EXOC6B: variants seen among roughly 807,000 people sequenced by gnomAD.
The protein encoded by EXOC6B is SEC15 homolog B.
In EXOC6B, 54 loss-of-function variants were observed where a neutral mutation model predicts 113.5. That is an observed-to-expected ratio of 0.48 (90% CI 0.38 to 0.60). EXOC6B has a LOEUF of 0.60. Ranked by LOEUF, EXOC6B falls within the 20% of genes least tolerant of loss-of-function variation. EXOC6B has a pLI of 0.00. For missense variants in EXOC6B, 797 were observed against 977.5 expected (o/e 0.82, Z 2.46); for synonymous variants, 357 against 339.0 (o/e 1.05, Z -0.58).
chr2:72,360,171 T>G (rs1690220531), intron 19 of EXOC6B, among the ~76,000 whole-genome samples: 1 of 151,694 alleles, frequency 6.6e-6, no homozygotes, highest in Non-Finnish European at 1.5e-5. Context: ...CACGGCAACC[T>G]CCACCTCCCA....
At chr2:72,629,383 A>G (rs1390356315) in intron 6 of EXOC6B, among the ~76,000 whole-genome samples, 1 of 152,160 alleles carries the variant, frequency 6.6e-6, no homozygotes, top group Non-Finnish European at 1.5e-5. Context: ...ACAATTAGTT[A>G]TTTAAGATAT....
intron 20 of EXOC6B, among the ~76,000 whole-genome samples, chr2:72,204,136 AAGGCC>A (rs1374918937): frequency 6.6e-6 from 1 of 152,098 alleles, no homozygotes; most frequent in Non-Finnish European, 1.5e-5. Flanking sequence ...TGAGCAGCTT[AAGGCC>A]TTGTCCATTT....
At chr2:72,323,211 C>T (rs974569349) in intron 20 of EXOC6B, among the ~76,000 whole-genome samples, 6 of 152,252 alleles carry the variant, frequency 3.9e-5, no homozygotes, top group Admixed American at 3.9e-4. Flanking sequence ...GACATTTATG[C>T]AGCCAACAAA....
chr2:72,789,811 T>G (rs1684577544), intron 1 of EXOC6B, among the ~76,000 whole-genome samples: 1 of 152,164 alleles, frequency 6.6e-6, no homozygotes, highest in Admixed American at 6.5e-5. Context: ...GTTCTTTCGA[T>G]TTTTTTGCAA....
At chr2:72,539,269 C>A (rs554381209) in intron 8 of EXOC6B, among the ~76,000 whole-genome samples, 2 of 152,282 alleles carry the variant, frequency 1.3e-5, no homozygotes, top group African/African-American at 4.8e-5. Flanking sequence ...CCCACGATGA[C>A]AAGACCTTTG....
At chr2:72,480,855 A>C (rs1376910337) in intron 16 of EXOC6B, 105 bp from the exon 17 acceptor site, 2 of 1,158,952 alleles carry the variant, frequency 1.7e-6, no homozygotes, top group Non-Finnish European at 2.4e-6. Context: ...CATAATGGAA[A>C]AGGCCATCCA....
At chr2:72,582,826 G>A (rs541635639) in intron 6 of EXOC6B, among the ~76,000 whole-genome samples, 1 of 152,110 alleles carries the variant, frequency 6.6e-6, no homozygotes, top group African/African-American at 2.4e-5. Flanking sequence ...AGATGGGAGG[G>A]GTCAGCAGGC....
chr2:72,321,206 C>T (rs1464470968), intron 20 of EXOC6B, among the ~76,000 whole-genome samples: 1 of 152,116 alleles, frequency 6.6e-6, no homozygotes, highest in Non-Finnish European at 1.5e-5. Context: ...TACTATATGA[C>T]CCAGTAACTC....
intron 20 of EXOC6B, among the ~76,000 whole-genome samples, chr2:72,257,185 T>G (rs1350845946): frequency 6.6e-6 from 1 of 152,174 alleles, no homozygotes; most frequent in Admixed American, 6.6e-5. Context: ...AAACCAGTCC[T>G]AACATGGATT....
chr2:72,483,646 C>A (rs1699240640), intron 16 of EXOC6B, among the ~76,000 whole-genome samples: 1 of 152,142 alleles, frequency 6.6e-6, no homozygotes, highest in Admixed American at 6.6e-5. Context: ...CAGTAGATAC[C>A]ATGTCATTTT....
At chr2:72,301,736 T>A (rs1373614439) in intron 20 of EXOC6B, among the ~76,000 whole-genome samples, 1 of 152,156 alleles carries the variant, frequency 6.6e-6, no homozygotes, top group Non-Finnish European at 1.5e-5. Context: ...TTGTCTCTTT[T>A]CTTTTTTATT....
rs368256076 is a variant in EXOC6B, at chr2:72,272,465, T to C, written c.2196+62482A>G. The stretch of plus-strand genomic sequence containing the variant: ...GTTGGGTGTTAAGCAAAGGGGACTA[T>C]CTGTCAAGTATACCTAGGTGCTTTC... On this transcript the variant is annotated intron_variant, in intron 20 of 21. Transcript: ENST00000272427. Among the ~76,000 whole-genome samples the C allele has an allele frequency of 3.3e-5, 5 of 152,214 alleles. No homozygotes were observed. In the East Asian group the frequency reaches 7.7e-4, roughly 24 times the overall value.
chr2:72,312,233 T>C (rs1056047725), intron 20 of EXOC6B, among the ~76,000 whole-genome samples: 4 of 151,732 alleles, frequency 2.6e-5, no homozygotes, highest in African/African-American at 4.8e-5. Flanking sequence ...GTTCCATTAC[T>C]GGCAGGCAAG....
chr2:72,221,453 A>G (rs533081354), intron 20 of EXOC6B, among the ~76,000 whole-genome samples: 1 of 152,284 alleles, frequency 6.6e-6, no homozygotes, highest in Non-Finnish European at 1.5e-5. Context: ...TACTCTGACT[A>G]CAGTATTTAA....
At chr2:72,671,585 C>A (rs1675810101) in intron 6 of EXOC6B, among the ~76,000 whole-genome samples, 1 of 151,904 alleles carries the variant, frequency 6.6e-6, no homozygotes, top group Admixed American at 6.6e-5. Context: ...GTAATCCCAG[C>A]TACTCGGGAG....
chr2:72,212,449 G>A (rs1573007425), intron 20 of EXOC6B, among the ~76,000 whole-genome samples: 1 of 152,112 alleles, frequency 6.6e-6, no homozygotes, highest in Non-Finnish European at 1.5e-5. Context: ...GGAGTTGCTG[G>A]TACTGAGAAG....
At chr2:72,784,993 G>A (rs1684286669) in intron 1 of EXOC6B, among the ~76,000 whole-genome samples, 1 of 152,190 alleles carries the variant, frequency 6.6e-6, no homozygotes, top group African/African-American at 2.4e-5. Flanking sequence ...ATACAATGGG[G>A]ATACAGGTAT....
At chr2:72,756,136 T>C (rs1166788808) in intron 1 of EXOC6B, among the ~76,000 whole-genome samples, 1 of 152,160 alleles carries the variant, frequency 6.6e-6, no homozygotes, top group Non-Finnish European at 1.5e-5. Context: ...GATTTATATT[T>C]GGTAAAACAT....
At chr2:72,795,550 T>A (rs540909254) in intron 1 of EXOC6B, among the ~76,000 whole-genome samples, 2 of 152,000 alleles carry the variant, frequency 1.3e-5, no homozygotes, top group Non-Finnish European at 2.9e-5. Flanking sequence ...CACTCCAGCC[T>A]GGGCAGCAGA....
Sources: gnomAD v4.1 joint callset for allele counts (sites outside exome capture counted in the v4.1 genomes callset) on GRCh38, gnomAD v4.1.1 for gene constraint, MANE v1.5 for transcripts, NCBI Gene and HGNC (gene_info 2026-07-23, HGNC 2026-07-21) for gene names.